The following SKAP1 variants were observed in gnomAD, a reference collection of about 807,000 sequenced individuals.
SKAP1 encodes src kinase-associated phosphoprotein 1.
A neutral mutation model predicts 58.5 loss-of-function variants in SKAP1; 44 were observed. The observed-to-expected ratio is 0.75, with a 90% CI of 0.59 to 0.97. The LOEUF is 0.97. Among genes scored for constraint, SKAP1 ranks in the 50% least tolerant of loss-of-function variants. The pLI is 0.00. For synonymous variants in SKAP1, 127 were observed against 149.7 expected (o/e 0.85, Z 1.11); for missense variants, 390 against 435.2 (o/e 0.90, Z 0.92).
intron 4 of SKAP1, among the ~76,000 whole-genome samples, chr17:48,322,977 TCCCAGC>T (rs2066389414): frequency 6.6e-6 from 1 of 151,814 alleles, no homozygotes; most frequent in Non-Finnish European, 1.5e-5. Context: ...GCACCTGTAA[TCCCAGC>T]TACCCAGGAG....
intron 1 of SKAP1, among the ~76,000 whole-genome samples, chr17:48,398,849 C>T (rs2067456444): frequency 6.6e-6 from 1 of 152,060 alleles, no homozygotes; most frequent in Non-Finnish European, 1.5e-5. Context: ...GTGAAACCCC[C>T]CGTCTCTCTA....
In SKAP1 at chr17:48,213,350, C is replaced by CAAA. The variant is rs71366849; in HGVS notation, c.281-23853_281-23851dup. 1.0e-3 allele frequency among the ~76,000 whole-genome samples: 105 copies of CAAA among 100,954 alleles called. 2 individuals carry two copies. Among genetic ancestry groups the CAAA allele is most frequent in the African/African-American group, 2.8e-3 (66 of 23,562 alleles). The allele number at this position is 100,954 out of a possible 152,430, so 66.2% of individuals were successfully genotyped here. A position where few individuals can be genotyped will look rare whatever the true frequency, so the allele number is the denominator to read the frequency against. On this transcript the variant is annotated intron_variant, in intron 4 of 12. Transcript: ENST00000336915. The stretch of plus-strand genomic sequence containing the variant: ...GGGCAACAAGAGCAAAACTCTGTCT[C>CAAA]AAAAAAAAAAAAAAAAAAAGCTGTA...
chr17:48,372,330 G>T (rs1178729545), intron 2 of SKAP1, among the ~76,000 whole-genome samples: 1 of 150,614 alleles, frequency 6.6e-6, no homozygotes, highest in Non-Finnish European at 1.5e-5. Context: ...TTTTGAGACG[G>T]AGTTTTGCTC....
intron 1 of SKAP1, among the ~76,000 whole-genome samples, chr17:48,406,918 G>A (rs1196758041): frequency 6.6e-6 from 1 of 151,998 alleles, no homozygotes; most frequent in Non-Finnish European, 1.5e-5. Context: ...GCCCAGGCTA[G>A]TCTTGAACTC....
Position 48,226,722 on chromosome 17 carries a change from C to T in SKAP1, c.281-37222G>A, listed in dbSNP as rs546409622. The stretch of plus-strand genomic sequence containing the variant: ...TGAGTTGCAGTAACTCATAATCTTG[C>T]CTATTTTTTTTGAAGTGGACATTTA... On this transcript the variant is annotated intron_variant, in intron 4 of 12. Coordinates refer to ENST00000336915, the MANE Select transcript of SKAP1 (RefSeq NM_003726.4). 1.1e-4 allele frequency among the ~76,000 whole-genome samples: 16 copies of T among 152,216 alleles called. No individual in the cohort carries two copies. In the East Asian group the frequency reaches 2.7e-3, roughly 26 times the overall value.
rs552151479 is a variant in SKAP1 at position 48,148,575 on chromosome 17, G to A, written c.979-11238C>T. On this transcript the variant is annotated intron_variant, in intron 11 of 12. Transcript: ENST00000336915. ...AATTTGGAAACAATGTGACGGAAAT[G>A]TTTAATCTGCTCGGCCCATCTGTGC... is the stretch of plus-strand genomic sequence containing the variant. Among the ~76,000 whole-genome samples, 7 of 152,344 alleles carry A rather than the reference G, an allele frequency of 4.6e-5. No individual in the cohort carries two copies. In the East Asian group the frequency reaches 1.2e-3, roughly 25 times the overall value.
chr17:48,411,042 T>C (rs1466145517), intron 1 of SKAP1, among the ~76,000 whole-genome samples: 1 of 151,720 alleles, frequency 6.6e-6, no homozygotes, highest in Non-Finnish European at 1.5e-5. Context: ...AATATTGGAT[T>C]ATAACCCAAA....
intron 4 of SKAP1, among the ~76,000 whole-genome samples, chr17:48,327,664 T>C (rs1274641906): frequency 6.6e-6 from 1 of 152,196 alleles, no homozygotes; most frequent in Admixed American, 6.5e-5. Context: ...GTCTCACTCT[T>C]AACACCCAGA....
intron 1 of SKAP1, among the ~76,000 whole-genome samples, chr17:48,410,974 C>T (rs1436481187): frequency 1.4e-5 from 2 of 145,096 alleles, no homozygotes; most frequent in Non-Finnish European, 3.0e-5. Context: ...GGCACAGGAA[C>T]CAACTGAAAG....
intron 4 of SKAP1, among the ~76,000 whole-genome samples, chr17:48,323,753 G>C (rs1466163574): frequency 6.6e-6 from 1 of 152,000 alleles, no homozygotes; most frequent in African/African-American, 2.4e-5. Flanking sequence ...TACATAGGAA[G>C]GCCTGGACAA....
chr17:48,190,260 C>A (rs545377772), intron 4 of SKAP1, among the ~76,000 whole-genome samples: 1 of 152,030 alleles, frequency 6.6e-6, no homozygotes, highest in Admixed American at 6.6e-5. Context: ...GCGACCACCA[C>A]CACGCCCGGC....
At chr17:48,345,303 T>A (rs1363677026) in intron 4 of SKAP1, among the ~76,000 whole-genome samples, 1 of 152,246 alleles carries the variant, frequency 6.6e-6, no homozygotes, top group Non-Finnish European at 1.5e-5. Context: ...AAAAATAATG[T>A]TTCTAACAAT....
At chr17:48,292,931 C>G (rs1304160174) in intron 4 of SKAP1, among the ~76,000 whole-genome samples, 1 of 152,134 alleles carries the variant, frequency 6.6e-6, no homozygotes, top group African/African-American at 2.4e-5. Flanking sequence ...CTGTAAGATT[C>G]TTGGTCTAGA....
intron 4 of SKAP1, among the ~76,000 whole-genome samples, chr17:48,287,488 G>A (rs1341503960): frequency 2.0e-5 from 3 of 151,446 alleles, no homozygotes; most frequent in Non-Finnish European, 4.4e-5. Flanking sequence ...CTAATAACAC[G>A]GAATAATGGT....
intron 3 of SKAP1, among the ~76,000 whole-genome samples, chr17:48,360,662 A>T (rs1020229079): frequency 6.6e-6 from 1 of 152,228 alleles, no homozygotes; most frequent in Non-Finnish European, 1.5e-5. Context: ...GCTCATTAAA[A>T]GTGCCCTTCC....
At chr17:48,217,016 A>G (rs1266676281) in intron 4 of SKAP1, among the ~76,000 whole-genome samples, 1 of 152,162 alleles carries the variant, frequency 6.6e-6, no homozygotes, top group Non-Finnish European at 1.5e-5. Context: ...TGAAGTCCAG[A>G]TTTCCTAAAG....
intron 4 of SKAP1, among the ~76,000 whole-genome samples, chr17:48,254,927 T>A (rs895591639): frequency 2.0e-5 from 3 of 152,022 alleles, no homozygotes; most frequent in African/African-American, 7.2e-5. Context: ...TTCTTATAGC[T>A]TGGGCTTTTG....
At position 48,190,909 on chromosome 17, in the gene SKAP1, C is replaced by T. The variant is rs560660588; in HGVS notation, c.281-1409G>A. 1.2e-4 allele frequency among the ~76,000 whole-genome samples: 18 copies of T among 152,260 alleles called. No individual in the cohort carries two copies. In the South Asian group the frequency reaches 2.7e-3, roughly 23 times the overall value. ...ATGAGGCACAAGAATCTCTTGAATG[C>T]GGGAGGCGGAGGTTGCAGTGAGCCG... On this transcript the variant is annotated intron_variant, in intron 4 of 12. Coordinates refer to ENST00000336915, the MANE Select transcript of SKAP1 (RefSeq NM_003726.4).
chr17:48,276,593 T>C (rs2065704535), intron 4 of SKAP1, among the ~76,000 whole-genome samples: 1 of 152,222 alleles, frequency 6.6e-6, no homozygotes, highest in South Asian at 2.1e-4. Flanking sequence ...GTTTACATTT[T>C]TTCAGCTTAA....
Sources: gnomAD v4.1 joint callset for allele counts (sites outside exome capture counted in the v4.1 genomes callset) on GRCh38, gnomAD v4.1.1 for gene constraint, MANE v1.5 for transcripts, NCBI Gene and HGNC (gene_info 2026-07-23, HGNC 2026-07-21) for gene names.